SYNPR: variants seen among roughly 807,000 people sequenced by gnomAD.
SYNPR encodes synaptoporin.
In SYNPR, 23 loss-of-function variants were observed where a neutral mutation model predicts 32.9. The observed-to-expected ratio is 0.70, with a 90% CI of 0.50 to 0.99. SYNPR has a LOEUF of 0.99. Among genes scored for constraint, SYNPR ranks in the 50% least tolerant of loss-of-function variants. The pLI is 0.00. For missense variants in SYNPR, 318 were observed against 349.3 expected (o/e 0.91, Z 0.71); for synonymous variants, 146 against 135.9 (o/e 1.07, Z -0.52).
chr3:63,292,417 T>C (rs1219085707), intron 2 of SYNPR, among the ~76,000 whole-genome samples: 1 of 152,208 alleles, frequency 6.6e-6, no homozygotes, highest in African/African-American at 2.4e-5. Flanking sequence ...TCATTTATTA[T>C]AGTCATCCTG....
chr3:63,387,671 C>G (rs1437945115), intron 2 of SYNPR, among the ~76,000 whole-genome samples: 1 of 152,124 alleles, frequency 6.6e-6, no homozygotes, highest in Non-Finnish European at 1.5e-5. Flanking sequence ...TCAAGTTGAA[C>G]CACTTAACCA....
rs570197609 is a variant in SYNPR at position 63,528,927 on chromosome 3, A to G, written c.210-27616A>G. On this transcript the variant is annotated intron_variant, in intron 3 of 5. Transcript: ENST00000478300. ...CAATAATTTGAGAAATAAGTGATCCATAGAATTGACACCCAAAAGAAACCA... is the reference window on the plus strand; with the variant it reads ...CAATAATTTGAGAAATAAGTGATCCGTAGAATTGACACCCAAAAGAAACCA... Among the ~76,000 whole-genome samples, 5 of 152,352 alleles carry G rather than the reference A, an allele frequency of 3.3e-5. No homozygotes were observed. The East Asian group carries it at 9.6e-4, about 29-fold the overall frequency.
chr3:63,529,672 A>G (rs1256167005), intron 3 of SYNPR, among the ~76,000 whole-genome samples: 3 of 152,242 alleles, frequency 2.0e-5, no homozygotes, highest in African/African-American at 7.2e-5. Context: ...TCAAAAGAGA[A>G]TATATTAGTA....
intron 4 of SYNPR, among the ~76,000 whole-genome samples, chr3:63,574,779 G>A (rs1478304682): frequency 6.6e-6 from 1 of 152,050 alleles, no homozygotes; most frequent in Non-Finnish European, 1.5e-5. Flanking sequence ...TAATGAAGGT[G>A]GTGTCCTATC....
rs1261833667 is a variant in SYNPR at position 63,307,285 on chromosome 3, C to T, written c.84+28543C>T. Among the ~76,000 whole-genome samples the T allele has an allele frequency of 2.0e-5, 3 of 151,982 alleles. No individual in the cohort carries two copies. In the East Asian group the frequency reaches 5.8e-4, roughly 29 times the overall value. ...CTCAGGCAGTCTGACTTCCCATCCC[C>T]AGTTCTTATATTATGGGGTTCCTAT... On this transcript the variant is annotated intron_variant, in intron 2 of 5. Coordinates refer to ENST00000478300, the MANE Select transcript of SYNPR (RefSeq NM_001130003.2).
intron 2 of SYNPR, among the ~76,000 whole-genome samples, chr3:63,417,041 C>T (rs941500404): frequency 1.3e-5 from 2 of 152,178 alleles, no homozygotes; most frequent in African/African-American, 4.8e-5. Context: ...AGCATTAACT[C>T]GAAAATCCAC....
intron 4 of SYNPR, among the ~76,000 whole-genome samples, chr3:63,577,110 T>C (rs144633629): frequency 1.0e-3 from 158 of 152,260 alleles, no homozygotes; most frequent in African/African-American, 3.8e-3. Flanking sequence ...CTGTTGGCAA[T>C]CTGAAAAACA....
chr3:63,568,898 T>G (rs1365155578), intron 4 of SYNPR, among the ~76,000 whole-genome samples: 2 of 152,214 alleles, frequency 1.3e-5, no homozygotes, highest in Non-Finnish European at 2.9e-5. Flanking sequence ...CTGACCTAAA[T>G]AATTTCTATC....
At chr3:63,579,445 T>C (rs554583370) in intron 4 of SYNPR, among the ~76,000 whole-genome samples, 4 of 152,118 alleles carry the variant, frequency 2.6e-5, no homozygotes, top group Non-Finnish European at 4.4e-5. Flanking sequence ...CACTTTTATC[T>C]TTCTTTCCTG....
At chr3:63,531,129 C>T (rs1053053613) in intron 3 of SYNPR, among the ~76,000 whole-genome samples, 1 of 152,090 alleles carries the variant, frequency 6.6e-6, no homozygotes, top group African/African-American at 2.4e-5. Context: ...CATAGTGGAC[C>T]GCGATGCTGG....
intron 2 of SYNPR, among the ~76,000 whole-genome samples, chr3:63,262,262 A>T (rs1231805925): frequency 2.6e-5 from 4 of 152,172 alleles, no homozygotes. Flanking sequence ...TAGGTGGAAA[A>T]GCAAATACAA....
chr3:63,553,859 T>C (rs548483975), intron 3 of SYNPR, among the ~76,000 whole-genome samples: 99 of 152,214 alleles, frequency 6.5e-4, no homozygotes, highest in African/African-American at 2.3e-3. Flanking sequence ...GTAGCTGGGA[T>C]TACAGGCATG....
chr3:63,439,944 T>C (rs1178742553), intron 2 of SYNPR, among the ~76,000 whole-genome samples: 2 of 152,226 alleles, frequency 1.3e-5, no homozygotes, highest in Admixed American at 6.5e-5. Context: ...GCAGGTACTC[T>C]CTGAAACACC....
chr3:63,377,966 T>C (rs1328176034), intron 2 of SYNPR, among the ~76,000 whole-genome samples: 1 of 151,986 alleles, frequency 6.6e-6, no homozygotes, highest in African/African-American at 2.4e-5. Context: ...ATTCAGATTA[T>C]GAATTTTTAG....
At chr3:63,316,247 A>G (rs2087042232) in intron 2 of SYNPR, among the ~76,000 whole-genome samples, 1 of 152,050 alleles carries the variant, frequency 6.6e-6, no homozygotes, top group Non-Finnish European at 1.5e-5. Flanking sequence ...TGCTGGCTTC[A>G]TAAAATGAAT....
At chr3:63,239,196 G>A (rs2106878960) in intron 1 of SYNPR, among the ~76,000 whole-genome samples, 1 of 151,792 alleles carries the variant, frequency 6.6e-6, no homozygotes, top group Non-Finnish European at 1.5e-5. Flanking sequence ...CTAACACTCT[G>A]GCACAGTTTC....
chr3:63,392,696 C>G (rs867856228), intron 2 of SYNPR, among the ~76,000 whole-genome samples: 1 of 152,060 alleles, frequency 6.6e-6, no homozygotes, highest in Non-Finnish European at 1.5e-5. Context: ...CATTTTTTTT[C>G]CAGAAGGTGG....
chr3:63,551,986 C>T (rs566616985), intron 3 of SYNPR, among the ~76,000 whole-genome samples: 75 of 152,094 alleles, frequency 4.9e-4, no homozygotes, highest in Non-Finnish European at 8.7e-4. Context: ...CAACCTCTGC[C>T]TCCCGGGTTC....
intron 3 of SYNPR, among the ~76,000 whole-genome samples, chr3:63,521,734 G>A (rs1036629686): frequency 6.6e-5 from 10 of 152,164 alleles, no homozygotes; most frequent in African/African-American, 2.4e-4. Flanking sequence ...ACTCATAATG[G>A]TATTAGTCAG....
Sources: allele counts gnomAD v4.1 joint callset (sites outside exome capture counted in the v4.1 genomes callset), GRCh38; gene constraint gnomAD v4.1.1; transcripts MANE v1.5; gene names NCBI Gene and HGNC (gene_info 2026-07-23, HGNC 2026-07-21).